Variants in EVA1C observed in about 807,000 individuals in gnomAD.
EVA1C encodes the protein protein eva-1 homolog C.
EVA1C carries 25 observed loss-of-function variants against 45.4 expected under a neutral mutation model. The ratio of observed to expected loss-of-function variants is 0.55; its 90% CI spans 0.40 to 0.77. The LOEUF (loss-of-function observed/expected upper bound fraction) is 0.77. Among genes scored for constraint, EVA1C ranks in the 30% least tolerant of loss-of-function variants. EVA1C has a pLI of 0.00. For missense variants in EVA1C, 479 were observed against 554.8 expected, an observed-to-expected ratio of 0.86 and a Z score of 1.37; for synonymous variants, 190 against 221.2, an observed-to-expected ratio of 0.86 and a Z score of 1.25.
chr21:32,458,927 C>T (rs2035892896), intron 3 of EVA1C, among the ~76,000 whole-genome samples: 1 of 152,094 alleles, frequency 6.6e-6, no homozygotes, highest in Non-Finnish European at 1.5e-5. Context: ...TCAGGCCACA[C>T]TCGTACTATG....
chr21:32,515,081 C>G lies in EVA1C; in HGVS notation c.1217C>G (p.Ala406Gly). 12 of 1,614,158 alleles carry G rather than the reference C, an allele frequency of 7.4e-6. No homozygotes were observed. The highest frequency in any genetic ancestry group is 1.0e-5 in the Non-Finnish European group (12 of 1,179,994). ...TSYPIYSSIE[A>G]AELAERIERR... ...TATCCTATATACAGTTCCATAGAAGCTGCAGAGCTCGCAGAAAGGATTGAG... is the reference window on the plus strand; with the variant it reads ...TATCCTATATACAGTTCCATAGAAGGTGCAGAGCTCGCAGAAAGGATTGAG... The change falls in exon 8 of 8, where the codon GCT becomes GGT. Residue 406 changes from alanine (A) to glycine (G), a missense_variant. Coordinates refer to ENST00000300255, the MANE Select transcript of EVA1C (RefSeq NM_058187.5).
At chr21:32,420,364 T>C (rs905933598) in intron 1 of EVA1C, among the ~76,000 whole-genome samples, 3 of 152,110 alleles carry the variant, frequency 2.0e-5, no homozygotes, top group African/African-American at 7.2e-5. Flanking sequence ...AGCGAGACCC[T>C]GTCTCAAGAA....
At chr21:32,502,398 C>T (rs1297571759) in intron 6 of EVA1C, among the ~76,000 whole-genome samples, 2 of 151,732 alleles carry the variant, frequency 1.3e-5, no homozygotes, top group Non-Finnish European at 2.9e-5. Flanking sequence ...CGCACCCGGC[C>T]CCTCCTTAGT....
At chr21:32,494,720 T>G (rs973369238) in intron 4 of EVA1C, among the ~76,000 whole-genome samples, 9 of 151,242 alleles carry the variant, frequency 6.0e-5, no homozygotes, top group Non-Finnish European at 1.0e-4. Flanking sequence ...GAGGCAGAGG[T>G]TGCAGTGACT....
rs1425672224 is a variant in EVA1C at position 32,457,621 on chromosome 21, C to T, written c.382C>T (p.Gln128Ter). The change falls in exon 3 of 8, where the codon CAG (glutamine) becomes TAG (stop). Residue 128 changes from glutamine (Q) to a stop codon, truncating the protein, a stop_gained. Transcript: ENST00000300255. LOFTEE classifies it high-confidence loss of function. ...GAAGGTGCTGGACGAATGCCAGAAC[C>T]AGCGGGCCTGCCACCTCCTGGTCAA... is the stretch of plus-strand genomic sequence containing the variant. ...FQKVLDECQN[Q>*]RACHLLVNSR... 1 of 1,614,208 alleles carries T rather than the reference C, an allele frequency of 6.2e-7. No homozygotes were observed. The highest frequency in any genetic ancestry group is 2.2e-5 in the East Asian group (1 of 44,886).
intron 4 of EVA1C, among the ~76,000 whole-genome samples, chr21:32,482,512 C>T: frequency 6.6e-6 from 1 of 152,204 alleles, no homozygotes; most frequent in Non-Finnish European, 1.5e-5. Context: ...CTGCCTTCCC[C>T]TACCTGCCCA....
At chr21:32,491,894 T>C (rs2037172420) in intron 4 of EVA1C, among the ~76,000 whole-genome samples, 2 of 151,728 alleles carry the variant, frequency 1.3e-5, no homozygotes. Flanking sequence ...TCATTGCACA[T>C]GGCGGAGTGC....
intron 5 of EVA1C, among the ~76,000 whole-genome samples, chr21:32,499,604 G>A (rs1601036830): frequency 6.6e-6 from 1 of 152,304 alleles, no homozygotes; most frequent in African/African-American, 2.4e-5. Flanking sequence ...GAGGAAACAA[G>A]GTTTTCTTGC....
intron 7 of EVA1C, among the ~76,000 whole-genome samples, chr21:32,507,783 T>C (rs1173814761): frequency 1.3e-5 from 2 of 151,664 alleles, no homozygotes; most frequent in African/African-American, 4.9e-5. Flanking sequence ...TATGTGTATC[T>C]CTGTGCATAT....
intron 1 of EVA1C, among the ~76,000 whole-genome samples, chr21:32,448,486 T>C (rs577434202): frequency 3.3e-5 from 5 of 152,160 alleles, no homozygotes; most frequent in Non-Finnish European, 7.4e-5. Flanking sequence ...CCCGAGCTCC[T>C]CGTTCTCCCC....
At chr21:32,450,767 CCCAGGG>C (rs2035551598) in intron 1 of EVA1C, among the ~76,000 whole-genome samples, 1 of 152,042 alleles carries the variant, frequency 6.6e-6, no homozygotes, top group Non-Finnish European at 1.5e-5. Flanking sequence ...TGACCAGAGG[CCCAGGG>C]CCACTGAGGG....
At chr21:32,457,129 C>T (rs1028368728) in intron 2 of EVA1C, among the ~76,000 whole-genome samples, 9 of 152,194 alleles carry the variant, frequency 5.9e-5, no homozygotes, top group African/African-American at 1.9e-4. Flanking sequence ...CCCCGATGCA[C>T]AGCTCTCCTG....
At chr21:32,488,527 T>C (rs559950156) in intron 4 of EVA1C, among the ~76,000 whole-genome samples, 1 of 152,258 alleles carries the variant, frequency 6.6e-6, no homozygotes, top group African/African-American at 2.4e-5. Flanking sequence ...TTGTTGTGGT[T>C]TTGATTTGCA....
Position 32,448,349 on chromosome 21 carries a change from T to TAGG in EVA1C, c.161-4962_161-4961insGGA, listed in dbSNP as rs958918654. Among the ~76,000 whole-genome samples the TAGG allele has an allele frequency of 5.3e-5, 8 of 152,302 alleles. No individual in the cohort carries two copies. The South Asian group carries it at 1.2e-3, about 24-fold the overall frequency. ...TTATTGTTTAAAAGTGTAGGTCAGA[T>TAGG]AACTACAGGTGAAGTTTTCTTAAAC... On this transcript the variant is annotated intron_variant, in intron 1 of 7. Transcript: ENST00000300255.
chr21:32,420,639 C>T (rs2034233485), intron 1 of EVA1C, among the ~76,000 whole-genome samples: 1 of 152,172 alleles, frequency 6.6e-6, no homozygotes, highest in Admixed American at 6.5e-5. Context: ...AGAGAGCCAC[C>T]CGCCCTGGCC....
intron 3 of EVA1C, among the ~76,000 whole-genome samples, chr21:32,464,695 G>A (rs914402450): frequency 6.6e-5 from 10 of 152,120 alleles, no homozygotes; most frequent in African/African-American, 2.4e-4. Flanking sequence ...GGTGGCGCAT[G>A]CCTGTAATCC....
chr21:32,475,612 A>G (rs57915631), intron 4 of EVA1C, among the ~76,000 whole-genome samples: 1 of 151,972 alleles, frequency 6.6e-6, no homozygotes, highest in Non-Finnish European at 1.5e-5. Context: ...TGGCCAAAAA[A>G]AATCCTAACA....
Position 32,427,855 on chromosome 21 carries a change from TAAAAAAAAAAAAA to T in EVA1C, c.160+14852_160+14864del, listed in dbSNP as rs35551211. On this transcript the variant is annotated intron_variant, in intron 1 of 7. Transcript: ENST00000300255. ...CAACATAGCAGGACTCCATCTCTAT[TAAAAAAAAAAAAA>T]AAAAAAAAAGAAAGGCAGGAAAAAC... 3.1e-4 allele frequency among the ~76,000 whole-genome samples: 38 copies of T among 122,508 alleles called. No homozygotes were observed. In the East Asian group the frequency reaches 8.8e-3, roughly 28 times the overall value. The allele number at this position is 122,508 out of a possible 152,430, so 80.4% of individuals were successfully genotyped here.
chr21:32,481,509 G>GA (rs36096674), intron 4 of EVA1C, among the ~76,000 whole-genome samples: 53,239 of 123,368 alleles, frequency 0.43, 10,170 homozygotes, highest in East Asian at 0.54. Flanking sequence ...GCAGCCACAA[G>GA]AAAAAAAAAA....
Sources: allele counts gnomAD v4.1 joint callset (sites outside exome capture counted in the v4.1 genomes callset), GRCh38; gene constraint gnomAD v4.1.1; transcripts MANE v1.5; gene names NCBI Gene and HGNC (gene_info 2026-07-23, HGNC 2026-07-21).